The following EML6 variants were observed in gnomAD, a reference collection of about 807,000 sequenced individuals.
EML6 encodes the protein EMAP like 6.
EML6 carries 154 observed loss-of-function variants against 240.1 expected under a neutral mutation model. The observed-to-expected ratio is 0.64, with a 90% CI of 0.56 to 0.73. EML6 has a LOEUF of 0.73. EML6 is among the 30% of genes least tolerant of loss of function. The pLI is 0.00. For missense variants in EML6, 2,964 were observed against 2,474.6 expected (o/e 1.20, Z -4.20); for synonymous variants, 1,148 against 899.0 (o/e 1.28, Z -4.95).
intron 28 of EML6, among the ~76,000 whole-genome samples, chr2:54,931,295 C>T (rs1674851663): frequency 6.6e-6 from 1 of 152,114 alleles, no homozygotes; most frequent in Admixed American, 6.6e-5. Flanking sequence ...AGAACATTGC[C>T]AGGCAAGGCA....
chr2:54,830,085 C>A (rs778418187), intron 7 of EML6, among the ~76,000 whole-genome samples: 3 of 152,166 alleles, frequency 2.0e-5, no homozygotes, highest in African/African-American at 7.2e-5. Context: ...AATATACTTG[C>A]AAAGCGCACT....
chr2:54,944,682 C>G (rs1407998414), intron 28 of EML6, among the ~76,000 whole-genome samples: 1 of 152,110 alleles, frequency 6.6e-6, no homozygotes, highest in Non-Finnish European at 1.5e-5. Flanking sequence ...AGGCTTCAGT[C>G]AAGAGCATTT....
At chr2:54,896,708 C>T (rs1347923568) in intron 21 of EML6, among the ~76,000 whole-genome samples, 1 of 152,182 alleles carries the variant, frequency 6.6e-6, no homozygotes, top group Non-Finnish European at 1.5e-5. Context: ...GTGATTGATG[C>T]CTGCAGGCTT....
Position 54,850,125 on chromosome 2 carries a change from C to T in EML6, c.1351C>T (p.Leu451Phe). The T allele has an allele frequency of 1.3e-6, 2 of 1,551,952 alleles. No individual in the cohort carries two copies. Among genetic ancestry groups the T allele is most frequent in the Non-Finnish European group, 1.7e-6 (2 of 1,147,004 alleles). ...YKKIGECSKSLSFITHIDWSL... is the reference protein window; with the variant it reads ...YKKIGECSKSFSFITHIDWSL... ...GAAAATTGGAGAATGCAGCAAGTCC[C>T]TTAGTTTCATCACGCATATTGACTG... Residue 451 changes from leucine to phenylalanine, a missense_variant, in exon 10 of 42, where the codon CTT becomes TTT. By Grantham distance (22) the Leu-to-Phe change is conservative. Coordinates refer to ENST00000356458, the MANE Select transcript of EML6 (RefSeq NM_001039753.4).
intron 28 of EML6, among the ~76,000 whole-genome samples, chr2:54,936,556 A>G (rs990954662): frequency 6.6e-6 from 1 of 152,232 alleles, no homozygotes; most frequent in Non-Finnish European, 1.5e-5. Flanking sequence ...AAATTGGCAT[A>G]TAAGTACTCA....
At chr2:54,870,827 T>C (rs991068374) in intron 15 of EML6, among the ~76,000 whole-genome samples, 1 of 152,224 alleles carries the variant, frequency 6.6e-6, no homozygotes, top group African/African-American at 2.4e-5. Flanking sequence ...AGGAGTGGCC[T>C]GGATTCTGCT....
intron 9 of EML6, 133 bp downstream of exon 9, chr2:54,847,756 C>CA: frequency 2.5e-6 from 2 of 786,576 alleles, no homozygotes; most frequent in South Asian, 2.8e-5. Flanking sequence ...TATAGATCTA[C>CA]GATCCCCTAT....
At chr2:54,952,540 C>T (rs1169355097) in intron 30 of EML6, 54 bp from the exon 31 acceptor site, 2 of 1,195,556 alleles carry the variant, frequency 1.7e-6, no homozygotes, top group African/African-American at 3.0e-5. Context: ...TTGAAGTTGC[C>T]CTAAAAGGTC....
intron 28 of EML6, among the ~76,000 whole-genome samples, chr2:54,947,800 G>A (rs1238353713): frequency 2.0e-5 from 3 of 152,178 alleles, no homozygotes; most frequent in Non-Finnish European, 2.9e-5. Flanking sequence ...GCCCAGAGAC[G>A]CCAGGGTATG....
intron 28 of EML6, among the ~76,000 whole-genome samples, chr2:54,934,053 C>T (rs1675003741): frequency 6.6e-6 from 1 of 152,148 alleles, no homozygotes; most frequent in Non-Finnish European, 1.5e-5. Context: ...AGCGTATTGT[C>T]TTCTGCTGGA....
At chr2:54,917,173 A>G (rs952238404) in intron 26 of EML6, among the ~76,000 whole-genome samples, 2 of 152,144 alleles carry the variant, frequency 1.3e-5, no homozygotes, top group African/African-American at 4.8e-5. Context: ...AACATCTCAC[A>G]AACTGCAAAG....
intron 2 of EML6, among the ~76,000 whole-genome samples, chr2:54,726,045 A>T (rs1455928125): frequency 6.6e-6 from 1 of 152,206 alleles, no homozygotes; most frequent in African/African-American, 2.4e-5. Flanking sequence ...CTATCCTCTC[A>T]TCTTTGGACC....
intron 2 of EML6, among the ~76,000 whole-genome samples, chr2:54,773,205 A>C (rs1305898427): frequency 6.6e-6 from 1 of 152,184 alleles, no homozygotes; most frequent in East Asian, 1.9e-4. Context: ...TGGCTATATG[A>C]GAGATATTTT....
At chr2:54,925,026 C>G (rs1012088177) in intron 26 of EML6, among the ~76,000 whole-genome samples, 3 of 152,162 alleles carry the variant, frequency 2.0e-5, no homozygotes, top group Non-Finnish European at 2.9e-5. Context: ...GTTGTGTCTT[C>G]CCAAATCTGT....
rs1541892 is a variant in EML6, at chr2:54,827,974, A to T, written c.711+223A>T. ...ACCTTAACTATTAATTGCTTGATTTATGTCATCCACAGTAGTTTGACAGAA... is the reference window on the plus strand; with the variant it reads ...ACCTTAACTATTAATTGCTTGATTTTTGTCATCCACAGTAGTTTGACAGAA... On this transcript the variant is annotated intron_variant, in intron 6 of 41. Transcript: ENST00000356458. Among the ~76,000 whole-genome samples the T allele has an allele frequency of 8.5e-4, 130 of 152,340 alleles. 2 individuals carry two copies. In the East Asian group the frequency reaches 0.013, roughly 15 times the overall value.
rs539608231 is a variant in EML6 at position 54,921,218 on chromosome 2, C to T, written c.3675+4283C>T. 2.2e-4 allele frequency among the ~76,000 whole-genome samples: 34 copies of T among 151,900 alleles called. 1 individual carries two copies. In the South Asian group the frequency reaches 6.0e-3, roughly 27 times the overall value. ...TCTTATATATAGAAAACCCTAAAGACCCCCCCAAAAGCTATTAGAATTAAT... is the reference window on the plus strand; with the variant it reads ...TCTTATATATAGAAAACCCTAAAGATCCCCCCAAAAGCTATTAGAATTAAT... On this transcript the variant is annotated intron_variant, in intron 26 of 41. Transcript: ENST00000356458.
At chr2:54,801,240 G>C (rs923048076) in intron 2 of EML6, among the ~76,000 whole-genome samples, 2 of 149,038 alleles carry the variant, frequency 1.3e-5, no homozygotes, top group Non-Finnish European at 3.0e-5. Context: ...GAGTGAATCC[G>C]GGAGGTGGAG....
intron 8 of EML6, among the ~76,000 whole-genome samples, chr2:54,846,052 T>A (rs1387739250): frequency 6.6e-6 from 1 of 152,166 alleles, no homozygotes; most frequent in African/African-American, 2.4e-5. Context: ...TTAGGTGTTG[T>A]GGGGATGGGA....
chr2:54,807,711 C>T lies in EML6; in HGVS notation c.198-5521C>T, dbSNP rs111975124. Among the ~76,000 whole-genome samples the T allele has an allele frequency of 2.5e-4, 38 of 152,214 alleles. 1 individual carries two copies. The highest frequency in any genetic ancestry group is 7.7e-4 in the African/African-American group (32 of 41,522). The stretch of plus-strand genomic sequence containing the variant: ...ATGTAGTAAAATAATTACCAAGTGA[C>T]GAGCTTTCAGTATGTATTACCTTTG... On this transcript the variant is annotated intron_variant, in intron 2 of 41. Coordinates refer to ENST00000356458, the MANE Select transcript of EML6 (RefSeq NM_001039753.4).
Sources: allele counts gnomAD v4.1 joint callset (sites outside exome capture counted in the v4.1 genomes callset), GRCh38; gene constraint gnomAD v4.1.1; transcripts MANE v1.5; gene names NCBI Gene and HGNC (gene_info 2026-07-23, HGNC 2026-07-21).